Variants in DAB1 observed in about 807,000 individuals in gnomAD.
DAB1 encodes the protein DAB adaptor protein 1.
A neutral mutation model predicts 64.6 loss-of-function variants in DAB1; 15 were observed. The ratio of observed to expected loss-of-function variants is 0.23; its 90% CI spans 0.16 to 0.36. The LOEUF (loss-of-function observed/expected upper bound fraction) is 0.36. Among genes scored for constraint, DAB1 ranks in the 10% least tolerant of loss-of-function variants. The pLI is 1.00. For synonymous variants in DAB1, 235 were observed against 251.9 expected (o/e 0.93, Z 0.64); for missense variants, 596 against 706.7 (o/e 0.84, Z 1.78).
intron 3 of DAB1, among the ~76,000 whole-genome samples, chr1:58,493,477 G>A (rs1645736399): frequency 6.6e-6 from 1 of 151,562 alleles, no homozygotes; most frequent in African/African-American, 2.4e-5. Flanking sequence ...AAGTCAAATT[G>A]TCCCTGTTTG....
chr1:58,282,462 C>T (rs1279775997), intron 4 of DAB1, among the ~76,000 whole-genome samples: 1 of 152,202 alleles, frequency 6.6e-6, no homozygotes, highest in Admixed American at 6.5e-5. Context: ...GGGAAACATT[C>T]TTCCTAGTGG....
At chr1:58,475,505 C>CAT (rs1645410536) in intron 3 of DAB1, among the ~76,000 whole-genome samples, 1 of 151,504 alleles carries the variant, frequency 6.6e-6, no homozygotes, top group Non-Finnish European at 1.5e-5. Context: ...CACACACACA[C>CAT]GAATCAGACT....
intron 7 of DAB1, among the ~76,000 whole-genome samples, chr1:57,466,129 A>T (rs1284252921): frequency 6.6e-6 from 1 of 152,210 alleles, no homozygotes; most frequent in Non-Finnish European, 1.5e-5. Flanking sequence ...GCCACTATCA[A>T]GAGAATTTGA....
intron 4 of DAB1, among the ~76,000 whole-genome samples, chr1:57,126,497 T>A (rs896343191): frequency 6.6e-6 from 1 of 152,154 alleles, no homozygotes; most frequent in Non-Finnish European, 1.5e-5. Flanking sequence ...AAAGAGATAA[T>A]ACCTCTATTT....
chr1:57,496,227 C>A (rs1644228209), intron 7 of DAB1, among the ~76,000 whole-genome samples: 1 of 152,134 alleles, frequency 6.6e-6, no homozygotes, highest in Non-Finnish European at 1.5e-5. Flanking sequence ...TACCTCCCCA[C>A]CCTGCCTCTG....
At chr1:57,699,786 G>T (rs1010780748) in intron 6 of DAB1, among the ~76,000 whole-genome samples, 2 of 152,008 alleles carry the variant, frequency 1.3e-5, no homozygotes, top group African/African-American at 4.8e-5. Flanking sequence ...GGTGGTGCGT[G>T]CCTGTAGTCC....
rs60771543 is a variant in DAB1 at position 58,223,741 on chromosome 1, G to T, written n.310-73153C>A. Among the ~76,000 whole-genome samples the T allele has an allele frequency of 7.2e-3, 1,089 of 152,262 alleles. 12 individuals carry two copies. Among genetic ancestry groups the T allele is most frequent in the African/African-American group, 0.025 (1,033 of 41,542 alleles). ...CTTACACATCTGACAGCAAAGAACA[G>T]ACCCCATGGGAATCCCCAGTCCTGC... On this transcript the variant is annotated intron_variant and non_coding_transcript_variant, in intron 4 of 20. Transcript: ENST00000485760.
At chr1:57,141,296 A>G (rs1658568549) in intron 3 of DAB1, among the ~76,000 whole-genome samples, 2 of 152,150 alleles carry the variant, frequency 1.3e-5, no homozygotes, top group Non-Finnish European at 2.9e-5. Flanking sequence ...CTCCTTCTCC[A>G]TGGCTCCAGT....
At chr1:58,480,725 G>A (rs1645465446) in intron 3 of DAB1, 1 of 332,734 alleles carries the variant, frequency 3.0e-6, no homozygotes, top group Non-Finnish European at 5.4e-6. Context: ...AGAGTAAAAT[G>A]TGTAATATAA....
At chr1:58,512,779 A>C (rs1646100538) in intron 2 of DAB1, among the ~76,000 whole-genome samples, 1 of 152,156 alleles carries the variant, frequency 6.6e-6, no homozygotes, top group Non-Finnish European at 1.5e-5. Context: ...TATTCAATGG[A>C]TATAAAGTCT....
chr1:58,236,269 C>T (rs1196988725), intron 4 of DAB1, among the ~76,000 whole-genome samples: 2 of 152,120 alleles, frequency 1.3e-5, no homozygotes, highest in African/African-American at 4.8e-5. Flanking sequence ...TGGATTCTCC[C>T]ATGCATACAG....
intron 5 of DAB1, among the ~76,000 whole-genome samples, chr1:58,016,571 T>C (rs984073281): frequency 6.6e-6 from 1 of 152,146 alleles, no homozygotes; most frequent in South Asian, 2.1e-4. Context: ...TGATCTCATC[T>C]TTCCCATACC....
At chr1:58,054,731 A>G (rs1455618701) in intron 5 of DAB1, among the ~76,000 whole-genome samples, 2 of 152,254 alleles carry the variant, frequency 1.3e-5, no homozygotes, top group Non-Finnish European at 2.9e-5. Flanking sequence ...TATTGCATAT[A>G]GGATAAATAA....
intron 1 of DAB1, among the ~76,000 whole-genome samples, chr1:57,412,569 G>A (rs1020248277): frequency 1.3e-5 from 2 of 152,224 alleles, no homozygotes; most frequent in Non-Finnish European, 2.9e-5. Context: ...TGATAAGGAA[G>A]AGAAATATCC....
chr1:58,333,325 T>C (rs1663019783), intron 4 of DAB1, among the ~76,000 whole-genome samples: 1 of 151,852 alleles, frequency 6.6e-6, no homozygotes, highest in African/African-American at 2.4e-5. Flanking sequence ...ATAGGGGCAG[T>C]AGGGGAAAGG....
chr1:58,475,629 C>A (rs978707350), intron 3 of DAB1, among the ~76,000 whole-genome samples: 29 of 152,180 alleles, frequency 1.9e-4, no homozygotes, highest in African/African-American at 6.8e-4. Flanking sequence ...GAAGTGACCT[C>A]TCTTAACTAA....
intron 5 of DAB1, among the ~76,000 whole-genome samples, chr1:58,020,319 G>A (rs949727605): frequency 1.3e-5 from 2 of 152,122 alleles, no homozygotes; most frequent in Admixed American, 6.5e-5. Context: ...TAAAGCTATG[G>A]CCACCAATAC....
chr1:57,583,608 T>C (rs1231084821), intron 7 of DAB1, among the ~76,000 whole-genome samples: 3 of 152,116 alleles, frequency 2.0e-5, no homozygotes, highest in Admixed American at 6.6e-5. Flanking sequence ...CATTAAATGA[T>C]GGGATTGGAT....
At chr1:57,566,601 C>G (rs554287118) in intron 7 of DAB1, among the ~76,000 whole-genome samples, 45 of 152,240 alleles carry the variant, frequency 3.0e-4, no homozygotes, top group African/African-American at 1.1e-3. Context: ...GATATCACCA[C>G]CAATCCCACA....
Sources: allele counts gnomAD v4.1 joint callset (sites outside exome capture counted in the v4.1 genomes callset), GRCh38; gene constraint gnomAD v4.1.1; transcripts MANE v1.5; gene names NCBI Gene and HGNC (gene_info 2026-07-23, HGNC 2026-07-21).